Variants in ANKHD1 observed in about 807,000 individuals in gnomAD.
ANKHD1 encodes ankyrin repeat and KH domain-containing protein 1.
In ANKHD1, 31 loss-of-function variants were observed where a neutral mutation model predicts 230.5. The observed-to-expected ratio is 0.13, with a 90% CI of 0.10 to 0.18. The LOEUF (loss-of-function observed/expected upper bound fraction) is 0.18. Ranked by LOEUF, ANKHD1 falls within the 10% of genes least tolerant of loss-of-function variation. ANKHD1 has a pLI of 1.00. For missense variants in ANKHD1, 2,256 were observed against 3,071.3 expected, an observed-to-expected ratio of 0.73 and a Z score of 6.27; for synonymous variants, 1,074 against 1,117.6, an observed-to-expected ratio of 0.96 and a Z score of 0.78.
chr5:140,529,620 A>T lies in ANKHD1; in HGVS notation c.6674A>T (p.Asn2225Ile). 2.5e-6 allele frequency: 4 copies of T among 1,614,134 alleles called. No individual in the cohort carries two copies. The highest frequency in any genetic ancestry group is 3.4e-6 in the Non-Finnish European group (4 of 1,180,032). The change falls in exon 29 of 34, where the codon AAC becomes ATC. Residue 2225 changes from asparagine (N) to isoleucine (I), a missense_variant. Transcript: ENST00000360839. ...SLFDSSQVPA[N>I]QGWGDGPLSS... ...TTTGATAGTAGTCAGGTGCCAGCTA[A>T]CCAGGGCTGGGGAGATGGTCCACTG...
At chr5:140,518,870 G>A (rs967141333) in intron 24 of ANKHD1, among the ~76,000 whole-genome samples, 1 of 152,078 alleles carries the variant, frequency 6.6e-6, no homozygotes, top group East Asian at 1.9e-4. Context: ...CTTTGAAAAC[G>A]GGCACAAGAC....
rs373801893 is a variant in ANKHD1, at chr5:140,487,004, A to C, written c.2189A>C (p.Gln730Pro). The change falls in exon 14 of 34, where the codon CAG becomes CCG. Residue 730 changes from glutamine to proline, a missense_variant. Around this residue, in one of 13 missense-constraint regions of ANKHD1, gnomAD observed 358 missense variants for 397.7 expected, o/e 0.90. Transcript: ENST00000360839. ...ACACTTGCCATGGTTGTACCTCCCC[A>C]GGAACCTGACAGAACTTCACAGGAG... ...THTLAMVVPPQEPDRTSQENS... is the reference protein window; with the variant it reads ...THTLAMVVPPPEPDRTSQENS... 3 of 1,613,706 alleles carry C rather than the reference A, an allele frequency of 1.9e-6. No individual in the cohort carries two copies. The highest frequency in any genetic ancestry group is 2.5e-6 in the Non-Finnish European group (3 of 1,179,724).
intron 24 of ANKHD1, 146 bp from the exon 25 acceptor site, chr5:140,523,920 C>G (rs1753482635): frequency 1.8e-6 from 2 of 1,088,156 alleles, no homozygotes; most frequent in Non-Finnish European, 2.5e-6. Context: ...TTGATGGTGT[C>G]CAGTTTATTT....
At chr5:140,510,510 A>T (rs1233426603) in intron 22 of ANKHD1, among the ~76,000 whole-genome samples, 1 of 151,680 alleles carries the variant, frequency 6.6e-6, no homozygotes, top group East Asian at 1.9e-4. Context: ...ATGGGGTGTC[A>T]CCACGTTGGT....
chr5:140,474,364 T>C (rs1750847142), intron 10 of ANKHD1, among the ~76,000 whole-genome samples: 1 of 152,158 alleles, frequency 6.6e-6, no homozygotes, highest in Admixed American at 6.5e-5. Flanking sequence ...TTTTGGTCTT[T>C]CTCCTTAGAG....
chr5:140,491,160 A>ATATAT (rs1282293062), intron 14 of ANKHD1, among the ~76,000 whole-genome samples: 93 of 45,666 alleles, frequency 2.0e-3, no homozygotes, highest in South Asian at 7.0e-3. Flanking sequence ...ATATATATAT[A>ATATAT]TTTTTTTTTT....
At chr5:140,448,798 T>G (rs1340261699) in intron 6 of ANKHD1, among the ~76,000 whole-genome samples, 2 of 152,224 alleles carry the variant, frequency 1.3e-5, no homozygotes, top group Non-Finnish European at 2.9e-5. Context: ...TTATTTTAAA[T>G]GGAGTTTTCT....
Position 140,537,506 on chromosome 5 carries a change from T to C in ANKHD1, c.7145T>C (p.Val2382Ala), listed in dbSNP as rs770719974. ...GCCCGAATTCGGCAAGGAGGGTCTGTTGCACAAGCCCCGGCGGGGACCAGT... is the reference window on the plus strand; with the variant it reads ...GCCCGAATTCGGCAAGGAGGGTCTGCTGCACAAGCCCCGGCGGGGACCAGT... ...RLARIRQGGS[V>A]AQAPAGTSFV... is the part of the protein sequence containing the mutation. The change falls in exon 31 of 34, where the codon GTT (valine) becomes GCT (alanine). Residue 2382 changes from valine to alanine, a missense_variant. Transcript: ENST00000360839. 1.9e-6 allele frequency: 3 copies of C among 1,614,070 alleles called. No homozygotes were observed. The highest frequency in any genetic ancestry group is 2.5e-6 in the Non-Finnish European group (3 of 1,179,986).
chr5:140,525,935 G>T, intron 25 of ANKHD1, 61 bp from the exon 26 acceptor site: 1 of 1,499,226 alleles, frequency 6.7e-7, no homozygotes, highest in Non-Finnish European at 8.9e-7. Context: ...AATATATTCT[G>T]TCAGAATTTG....
rs67081504 is a variant in ANKHD1 at position 140,473,026 on chromosome 5, C to CT, written c.1782+8267dup. Reference sequence around the variant, plus strand: ...CAAATAACTTAGGCCATCTAAGTTTCTTTTTTTTTTTTTTTTTGAGACAGA... The same window carrying CT: ...CAAATAACTTAGGCCATCTAAGTTTCTTTTTTTTTTTTTTTTTTGAGACAGA... On this transcript the variant is annotated intron_variant, in intron 10 of 33. Coordinates refer to ENST00000360839, the MANE Select transcript of ANKHD1 (RefSeq NM_017747.3). 9.3e-3 allele frequency among the ~76,000 whole-genome samples: 1,216 copies of CT among 131,118 alleles called. 12 individuals are homozygous for CT. Among genetic ancestry groups the CT allele is most frequent in the Middle Eastern group, 0.024 (6 of 252 alleles). The allele number at this position is 131,118 out of a possible 152,430, so 86.0% of individuals were successfully genotyped here. A position where few individuals can be genotyped will look rare whatever the true frequency, so the allele number is the denominator to read the frequency against.
At chr5:140,416,855 T>G (rs970995086) in intron 1 of ANKHD1, among the ~76,000 whole-genome samples, 17 of 142,208 alleles carry the variant, frequency 1.2e-4, no homozygotes, top group African/African-American at 4.4e-4. Flanking sequence ...TTAGGATGGG[T>G]TTTTTTTTTT....
intron 13 of ANKHD1, among the ~76,000 whole-genome samples, chr5:140,486,302 C>T (rs1163980205): frequency 6.6e-6 from 1 of 152,110 alleles, no homozygotes; most frequent in East Asian, 1.9e-4. Flanking sequence ...TGAGCTCAGG[C>T]GATCTACCTG....
At chr5:140,449,091 G>T in intron 6 of ANKHD1, 120 bp from the exon 7 acceptor site, 62 of 1,000,266 alleles carry the variant, frequency 6.2e-5, no homozygotes, top group Middle Eastern at 3.4e-4. Context: ...TTTATTTATT[G>T]AATGCAAAAT....
intron 31 of ANKHD1, 79 bp downstream of exon 31, chr5:140,537,668 A>C (rs1754142199): frequency 2.1e-6 from 3 of 1,456,136 alleles, no homozygotes; most frequent in Non-Finnish European, 2.7e-6. Context: ...GTTCCTTAGA[A>C]AAAACAAACA....
chr5:140,503,944 G>T (rs1752429948), intron 15 of ANKHD1, among the ~76,000 whole-genome samples: 1 of 151,930 alleles, frequency 6.6e-6, no homozygotes, highest in African/African-American at 2.4e-5. Flanking sequence ...AAAAATAGTT[G>T]GACTTTCAGA....
chr5:140,539,274 G>A (rs1007599826), intron 33 of ANKHD1, 85 bp from the exon 34 acceptor site: 3 of 1,596,150 alleles, frequency 1.9e-6, no homozygotes, highest in Non-Finnish European at 2.6e-6. Context: ...CAGAAACAGT[G>A]AATTGCCATT....
rs539592808 is a variant in ANKHD1, at chr5:140,473,462, A to G, written c.1782+8686A>G. Among the ~76,000 whole-genome samples the G allele has an allele frequency of 4.0e-5, 6 of 150,504 alleles. No individual in the cohort carries two copies. In the South Asian group the frequency reaches 1.3e-3, roughly 32 times the overall value. ...ATTTTTTAAATTTTTTTTTTTTGAG[A>G]CAGGGTCTCACTCTGTTGCTCAGGC... On this transcript the variant is annotated intron_variant, in intron 10 of 33. Transcript: ENST00000360839.
intron 10 of ANKHD1, among the ~76,000 whole-genome samples, chr5:140,470,625 T>TC (rs1776425126): frequency 6.8e-6 from 1 of 147,106 alleles, no homozygotes; most frequent in Non-Finnish European, 1.5e-5. Flanking sequence ...TTTTTTTTTT[T>TC]TTTTTTTTTC....
At chr5:140,481,958 A>G (rs999776608) in intron 10 of ANKHD1, among the ~76,000 whole-genome samples, 1 of 152,062 alleles carries the variant, frequency 6.6e-6, no homozygotes, top group Non-Finnish European at 1.5e-5. Context: ...TGAGGCATGC[A>G]TGGTTAAAAA....
Sources: allele counts gnomAD v4.1 joint callset (sites outside exome capture counted in the v4.1 genomes callset), GRCh38; gene constraint gnomAD v4.1.1; regional missense constraint gnomAD v4.1.1; transcripts MANE v1.5; gene names NCBI Gene and HGNC (gene_info 2026-07-23, HGNC 2026-07-21).